BACH2: variants seen among roughly 807,000 people sequenced by gnomAD.
The protein encoded by BACH2 is BACH transcriptional regulator 2.
Under a neutral mutation model 61.8 loss-of-function variants are expected in BACH2, and 5 were observed. The observed-to-expected ratio is 0.08, with a 90% CI of 0.04 to 0.17. The LOEUF (loss-of-function observed/expected upper bound fraction) is 0.17, where lower values mean the gene tolerates loss of function less well. Ranked by LOEUF, BACH2 falls within the 10% of genes least tolerant of loss-of-function variation. The probability of loss-of-function intolerance (pLI) is 1.00; values close to 1 mark genes in which losing one functional copy is unlikely to be tolerated. For synonymous variants in BACH2, 446 were observed against 440.1 expected, an observed-to-expected ratio of 1.01 and a Z score of -0.17; for missense variants, 824 against 1,091.1, an observed-to-expected ratio of 0.76 and a Z score of 3.45.
intron 6 of BACH2, among the ~76,000 whole-genome samples, chr6:89,964,441 A>G (rs1452321256): frequency 6.6e-6 from 1 of 152,128 alleles, no homozygotes; most frequent in Admixed American, 6.5e-5. Context: ...GGTAAATTTT[A>G]TGTTATTTTT....
At chr6:89,962,372 A>G (rs1252193126) in intron 6 of BACH2, among the ~76,000 whole-genome samples, 1 of 152,162 alleles carries the variant, frequency 6.6e-6, no homozygotes, top group Non-Finnish European at 1.5e-5. Flanking sequence ...TGCCATCCTC[A>G]GTACTACACA....
chr6:89,951,267 G>A lies in BACH2; in HGVS notation c.839C>T (p.Pro280Leu), dbSNP rs2128356970. Residue 280 changes from proline (P) to leucine (L), a missense_variant, in exon 7 of 9, where the codon CCC (proline) becomes CTC (leucine). By Grantham distance (98) the Pro-to-Leu change is moderately conservative. Coordinates refer to ENST00000257749, the MANE Select transcript of BACH2 (RefSeq NM_021813.4). This position sits in a 1 kb window ranked among gnomAD's most constrained non-coding sequence, Gnocchi z 6.4. ...GCTCTCTTCCTCATTCTCTTCACTG[G>A]GCGGCTCACTTTTAATCTGCCCCCT... ...LARGQIKSEP[P>L]SEENEEESIT... 6.2e-7 allele frequency: 1 copy of A among 1,614,124 alleles called. No homozygotes were observed. Among genetic ancestry groups the A allele is most frequent in the Non-Finnish European group, 8.5e-7 (1 of 1,180,040 alleles).
chr6:90,099,556 T>C (rs1032206449), intron 4 of BACH2, among the ~76,000 whole-genome samples: 9 of 152,138 alleles, frequency 5.9e-5, no homozygotes, highest in African/African-American at 1.9e-4. Flanking sequence ...GTTTTTTGTT[T>C]TTGTTTTTTA....
intron 5 of BACH2, among the ~76,000 whole-genome samples, chr6:90,060,878 C>G (rs1164780703): frequency 2.0e-5 from 3 of 152,196 alleles, no homozygotes; most frequent in African/African-American, 4.8e-5. Context: ...ACATGACCGT[C>G]ACACACAAAC....
chr6:90,087,725 G>GT (rs1459016730), intron 5 of BACH2, among the ~76,000 whole-genome samples: 1 of 136,892 alleles, frequency 7.3e-6, no homozygotes, highest in East Asian at 3.6e-4. Context: ...TCCCATGTGT[G>GT]TGTTTTTTTT....
At chr6:90,033,101 G>A (rs1182918201) in intron 5 of BACH2, among the ~76,000 whole-genome samples, 8 of 128,102 alleles carry the variant, frequency 6.2e-5, no homozygotes, top group African/African-American at 9.4e-5. Flanking sequence ...GCAAACTATC[G>A]CAAGGACAAA....
intron 3 of BACH2, among the ~76,000 whole-genome samples, chr6:90,239,905 G>A (rs1435512603): frequency 6.8e-6 from 1 of 146,830 alleles, no homozygotes; most frequent in Admixed American, 6.8e-5. Context: ...CCACATACAA[G>A]AATTAGCCAA....
At chr6:90,226,953 G>A (rs1473092245) in intron 3 of BACH2, among the ~76,000 whole-genome samples, 1 of 152,198 alleles carries the variant, frequency 6.6e-6, no homozygotes, top group Middle Eastern at 3.2e-3. Context: ...GATTTGCCAT[G>A]CATAGTATGT....
chr6:90,144,893 T>C (rs1337085130), intron 4 of BACH2, among the ~76,000 whole-genome samples: 2 of 152,160 alleles, frequency 1.3e-5, no homozygotes, highest in Non-Finnish European at 1.5e-5. Context: ...ATTAACCAAC[T>C]TCTCTTCCAT....
intron 5 of BACH2, among the ~76,000 whole-genome samples, chr6:90,073,623 A>T (rs79625530): frequency 6.6e-6 from 1 of 152,086 alleles, no homozygotes; most frequent in Non-Finnish European, 1.5e-5. Context: ...CAAACATCAA[A>T]ATCGGAACAA....
At chr6:89,984,244 T>C (rs1776115416) in intron 6 of BACH2, among the ~76,000 whole-genome samples, 1 of 151,622 alleles carries the variant, frequency 6.6e-6, no homozygotes, top group African/African-American at 2.4e-5. Flanking sequence ...TCCACAAAAG[T>C]CAAACAGACA....
At chr6:90,027,613 C>T (rs764476386) in intron 5 of BACH2, among the ~76,000 whole-genome samples, 24 of 152,136 alleles carry the variant, frequency 1.6e-4, no homozygotes, top group Non-Finnish European at 3.4e-4. Context: ...CACAGTGTTT[C>T]GCACTTTCTT....
chr6:90,060,611 C>G (rs368490645), intron 5 of BACH2, among the ~76,000 whole-genome samples: 2 of 151,982 alleles, frequency 1.3e-5, no homozygotes, highest in Non-Finnish European at 2.9e-5. Flanking sequence ...CTTCAAACAT[C>G]TAAAGCCCTT....
At chr6:90,121,152 C>G (rs1360843941) in intron 4 of BACH2, among the ~76,000 whole-genome samples, 1 of 152,128 alleles carries the variant, frequency 6.6e-6, no homozygotes, top group African/African-American at 2.4e-5. Flanking sequence ...CATGAAGTTC[C>G]AATCAGCAGA....
At chr6:90,042,031 A>C (rs1254726069) in intron 5 of BACH2, among the ~76,000 whole-genome samples, 1 of 152,178 alleles carries the variant, frequency 6.6e-6, no homozygotes, top group East Asian at 1.9e-4. Flanking sequence ...TTTAAGCTGC[A>C]GCTCCTGGAT....
At chr6:90,133,876 A>AT (rs528370313) in intron 4 of BACH2, among the ~76,000 whole-genome samples, 6,491 of 152,196 alleles carry the variant, frequency 0.043, 146 homozygotes, top group Middle Eastern at 0.082. Context: ...TGAACTCATC[A>AT]TTTTTTATGG....
chr6:90,030,834 A>C (rs1461325550), intron 5 of BACH2, among the ~76,000 whole-genome samples: 5 of 151,866 alleles, frequency 3.3e-5, no homozygotes, highest in Non-Finnish European at 7.4e-5. Flanking sequence ...AAAAGAGGGA[A>C]TCCTCCCTGA....
At chr6:90,190,749 AC>A (rs1241477146) in intron 4 of BACH2, among the ~76,000 whole-genome samples, 25 of 152,370 alleles carry the variant, frequency 1.6e-4, no homozygotes, top group African/African-American at 2.6e-4. Context: ...GTATATGCAT[AC>A]CAAATATTGT....
At chr6:90,078,633 C>T (rs903700185) in intron 5 of BACH2, among the ~76,000 whole-genome samples, 2 of 152,258 alleles carry the variant, frequency 1.3e-5, no homozygotes, top group Non-Finnish European at 2.9e-5. Flanking sequence ...GACGATAACA[C>T]CAACATCATT....
Sources: gnomAD v4.1 joint callset for allele counts (sites outside exome capture counted in the v4.1 genomes callset) on GRCh38, gnomAD v4.1.1 for gene constraint, Gnocchi (gnomAD v3.1) non-coding constraint, MANE v1.5 for transcripts, NCBI Gene and HGNC (gene_info 2026-07-23, HGNC 2026-07-21) for gene names.